Variants in ADAM10 observed in about 807,000 individuals in gnomAD.
The protein encoded by ADAM10 is disintegrin and metalloproteinase domain-containing protein 10.
A neutral mutation model predicts 90.1 loss-of-function variants in ADAM10; 17 were observed. That is an observed-to-expected ratio of 0.19 (90% CI 0.13 to 0.28). ADAM10 has a LOEUF of 0.28. ADAM10 is among the 10% of genes least tolerant of loss of function. The probability of loss-of-function intolerance (pLI) is 1.00; values close to 1 mark genes in which losing one functional copy is unlikely to be tolerated. For synonymous variants in ADAM10, 310 were observed against 298.6 expected, an observed-to-expected ratio of 1.04 and a Z score of -0.40; for missense variants, 610 against 914.3, an observed-to-expected ratio of 0.67 and a Z score of 4.29.
In ADAM10 at chr15:58,725,684, G is replaced by C. The variant is rs550407557; in HGVS notation, c.56-7957C>G. Among the ~76,000 whole-genome samples the C allele has an allele frequency of 3.9e-3, 589 of 151,998 alleles. 8 individuals are homozygous for C. Among genetic ancestry groups the C allele is most frequent in the African/African-American group, 0.013 (555 of 41,510 alleles). ...AGCACTAAAGGAGCCAGAAAAAAAA[G>C]ACACATTTTATAAACAGAGGAACAA... On this transcript the variant is annotated intron_variant, in intron 1 of 15. Transcript: ENST00000260408.
chr15:58,589,168 C>T lies in ADAM10; in HGVS notation c.*8379G>A, dbSNP rs1282525989. 6.6e-6 allele frequency: 1 copy of T among 152,162 alleles called. No homozygotes were observed. The highest frequency in any genetic ancestry group is 2.4e-5 in the African/African-American group (1 of 41,432). The allele number at this position is 152,162 out of a possible 1,614,324, so 9.4% of individuals were successfully genotyped here. ...AAAACAAATGTTTATTGAACACCTACTATAGCCAAGCTCAAGGAAATGGAG... is the reference window on the plus strand; with the variant it reads ...AAAACAAATGTTTATTGAACACCTATTATAGCCAAGCTCAAGGAAATGGAG... On this transcript the variant is annotated 3_prime_UTR_variant, in exon 16 of 16. Transcript: ENST00000260408.
At chr15:58,644,139 C>A (rs925407515) in intron 6 of ADAM10, among the ~76,000 whole-genome samples, 161 bp from the exon 7 acceptor site, 12 of 151,748 alleles carry the variant, frequency 7.9e-5, no homozygotes, top group African/African-American at 2.9e-4. Flanking sequence ...GATTAGTGAG[C>A]TGCGCTGGGA....
chr15:58,689,954 A>ACCCCC lies in ADAM10; in HGVS notation c.207-7641_207-7640insGGGGG, dbSNP rs768784057. Among the ~76,000 whole-genome samples the ACCCCC allele has an allele frequency of 2.6e-3, 310 of 117,510 alleles. 8 individuals are homozygous for ACCCCC. The highest frequency in any genetic ancestry group is 0.01 in the South Asian group (31 of 2,980). The allele number at this position is 117,510 out of a possible 152,430, so 77.1% of individuals were successfully genotyped here. ...CAAAACCAAAGACAGACCCCCCCCA[A>ACCCCC]AAAAAAAAAAAAAAGACTGATATTC... On this transcript the variant is annotated intron_variant, in intron 2 of 15. Transcript: ENST00000260408.
At chr15:58,639,842 TAAG>T in intron 8 of ADAM10, among the ~76,000 whole-genome samples, 1 of 151,256 alleles carries the variant, frequency 6.6e-6, no homozygotes, top group Admixed American at 6.6e-5. Flanking sequence ...AATAAACTAA[TAAG>T]AATAGGAATA....
At chr15:58,666,621 C>T (rs8032451) in intron 4 of ADAM10, among the ~76,000 whole-genome samples, 7,616 of 151,782 alleles carry the variant, frequency 0.05, 650 homozygotes, top group African/African-American at 0.17. Context: ...TAAAATCTTT[C>T]GTCAAAACCC....
chr15:58,606,339 A>C (rs753980319), intron 14 of ADAM10, among the ~76,000 whole-genome samples: 1 of 152,232 alleles, frequency 6.6e-6, no homozygotes, highest in Non-Finnish European at 1.5e-5. Flanking sequence ...CTTGCTACTA[A>C]ACTTTTGGTT....
intron 8 of ADAM10, among the ~76,000 whole-genome samples, chr15:58,633,761 T>C (rs1896167671): frequency 6.6e-6 from 1 of 152,092 alleles, no homozygotes; most frequent in South Asian, 2.1e-4. Context: ...TAAATGAAAG[T>C]TGAACAAAAT....
chr15:58,592,355 C>T lies in ADAM10; in HGVS notation c.*5192G>A, dbSNP rs959235466. 3.3e-5 allele frequency: 5 copies of T among 152,176 alleles called. No individual in the cohort carries two copies. Among genetic ancestry groups the T allele is most frequent in the Non-Finnish European group, 5.9e-5 (4 of 68,028 alleles). 9.4% of individuals were successfully genotyped at this position (152,176 alleles called of 1,614,324 possible). A position where few individuals can be genotyped will look rare whatever the true frequency, so the allele number is the denominator to read the frequency against. On this transcript the variant is annotated 3_prime_UTR_variant, in exon 16 of 16. Coordinates refer to ENST00000260408, the MANE Select transcript of ADAM10 (RefSeq NM_001110.4). ...ATCCCAAAGGTAACTATAATTCTGTCCACTACCATCATTAACTCACAGAGT... is the reference window on the plus strand; with the variant it reads ...ATCCCAAAGGTAACTATAATTCTGTTCACTACCATCATTAACTCACAGAGT...
intron 1 of ADAM10, among the ~76,000 whole-genome samples, chr15:58,734,155 T>A (rs1183111847): frequency 6.6e-6 from 1 of 152,170 alleles, no homozygotes; most frequent in Non-Finnish European, 1.5e-5. Context: ...CAGAACAATA[T>A]CCTGATTACA....
chr15:58,735,304 A>C lies in ADAM10; in HGVS notation c.55+14176T>G, dbSNP rs560589677. Reference sequence around the variant, plus strand: ...CTCTCCCAGTCCAGGTTCTTTCATCACTATTAGATATATTACCTACGCAGG... The same window carrying C: ...CTCTCCCAGTCCAGGTTCTTTCATCCCTATTAGATATATTACCTACGCAGG... On this transcript the variant is annotated intron_variant, in intron 1 of 15. Transcript: ENST00000260408. Among the ~76,000 whole-genome samples, 8 of 152,242 alleles carry C rather than the reference A, an allele frequency of 5.3e-5. No individual in the cohort carries two copies. The East Asian group carries it at 1.4e-3, about 26-fold the overall frequency.
Position 58,612,043 on chromosome 15 carries a change from T to C in ADAM10, c.1512-52A>G, listed in dbSNP as rs771542514. The C allele has an allele frequency of 2.0e-6, 3 of 1,509,238 alleles. No individual in the cohort carries two copies. The African/African-American group carries it at 4.2e-5, about 21-fold the overall frequency. The allele number at this position is 1,509,238 out of a possible 1,614,324, so 93.5% of individuals were successfully genotyped here. A position where few individuals can be genotyped will look rare whatever the true frequency, so the allele number is the denominator to read the frequency against. On this transcript the variant is annotated intron_variant, in intron 11 of 15. Coordinates refer to ENST00000260408, the MANE Select transcript of ADAM10 (RefSeq NM_001110.4). ...AAAGTAAATCACTAGTTATTCCCTATATACTATTAGATATTAGATTAGATC... is the reference window on the plus strand; with the variant it reads ...AAAGTAAATCACTAGTTATTCCCTACATACTATTAGATATTAGATTAGATC...
At chr15:58,712,681 C>T (rs1424329357) in intron 2 of ADAM10, among the ~76,000 whole-genome samples, 3 of 151,448 alleles carry the variant, frequency 2.0e-5, no homozygotes, top group Non-Finnish European at 4.4e-5. Context: ...AAAAAATTAG[C>T]CGGGAGCGGT....
At chr15:58,645,328 T>C (rs1432127888) in intron 6 of ADAM10, among the ~76,000 whole-genome samples, 1 of 152,210 alleles carries the variant, frequency 6.6e-6, no homozygotes, top group Admixed American at 6.5e-5. Flanking sequence ...CACTAGCTTC[T>C]CTTCCTCAAC....
intron 14 of ADAM10, among the ~76,000 whole-genome samples, chr15:58,605,954 A>G (rs769461984): frequency 6.6e-6 from 1 of 152,212 alleles, no homozygotes; most frequent in African/African-American, 2.4e-5. Flanking sequence ...AGCAAGTATC[A>G]TCTAAAAAAA....
intron 2 of ADAM10, chr15:58,692,146 A>G (rs1490047052): frequency 3.8e-6 from 2 of 523,748 alleles, no homozygotes; most frequent in Non-Finnish European, 7.7e-6. Flanking sequence ...CATGATGGAC[A>G]CAGAGTTGTT....
chr15:58,604,363 A>T (rs1895207556), intron 14 of ADAM10, among the ~76,000 whole-genome samples: 1 of 152,174 alleles, frequency 6.6e-6, no homozygotes, highest in African/African-American at 2.4e-5. Context: ...TCCATTTCAA[A>T]AATAAAAATA....
At chr15:58,625,334 A>G (rs1437299392) in intron 10 of ADAM10, among the ~76,000 whole-genome samples, 3 of 152,208 alleles carry the variant, frequency 2.0e-5, no homozygotes, top group Non-Finnish European at 4.4e-5. Context: ...AATGATCACT[A>G]AAATGACCAA....
chr15:58,701,181 A>G (rs1246902741), intron 2 of ADAM10, among the ~76,000 whole-genome samples: 3 of 152,090 alleles, frequency 2.0e-5, no homozygotes, highest in African/African-American at 7.2e-5. Flanking sequence ...AGAAGAAAAT[A>G]TTTGCAAACT....
chr15:58,735,058 G>A (rs1899384346), intron 1 of ADAM10, among the ~76,000 whole-genome samples: 1 of 152,158 alleles, frequency 6.6e-6, no homozygotes. Context: ...CAAGAGCTCA[G>A]AAAGTATAGA....
Sources: gnomAD v4.1 joint callset for allele counts (sites outside exome capture counted in the v4.1 genomes callset) on GRCh38, gnomAD v4.1.1 for gene constraint, MANE v1.5 for transcripts, NCBI Gene and HGNC (gene_info 2026-07-23, HGNC 2026-07-21) for gene names.